Variants in FAF1 observed in about 807,000 individuals in gnomAD.
FAF1 encodes the protein FAS-associated factor 1.
FAF1 carries 25 observed loss-of-function variants against 92.5 expected under a neutral mutation model. That is an observed-to-expected ratio of 0.27 (90% CI 0.20 to 0.38). The LOEUF is 0.38. FAF1 is among the 10% of genes least tolerant of loss of function. The pLI is 1.00. For missense variants in FAF1, 636 were observed against 793.3 expected (o/e 0.80, Z 2.38); for synonymous variants, 234 against 273.2 (o/e 0.86, Z 1.42).
chr1:50,451,959 C>T (rs751243061), intron 18 of FAF1: 27 of 1,150,354 alleles, frequency 2.3e-5, no homozygotes, highest in East Asian at 6.6e-5. Flanking sequence ...AAAGCTGTAA[C>T]CTTCTCCTTG....
chr1:50,946,669 T>C (rs952625093), intron 1 of FAF1, among the ~76,000 whole-genome samples: 1 of 152,198 alleles, frequency 6.6e-6, no homozygotes, highest in Non-Finnish European at 1.5e-5. Context: ...CAGAAGACAT[T>C]GACTCCCAGG....
intron 3 of FAF1, among the ~76,000 whole-genome samples, chr1:50,790,357 G>C (rs946425798): frequency 1.3e-5 from 2 of 151,988 alleles, no homozygotes; most frequent in African/African-American, 4.8e-5. Context: ...GGCCAGGCTG[G>C]GCTCGAACTC....
chr1:50,924,383 GA>G (rs767659543), intron 1 of FAF1, among the ~76,000 whole-genome samples: 3 of 151,076 alleles, frequency 2.0e-5, no homozygotes, highest in Admixed American at 6.6e-5. Context: ...CCTCTGCAAT[GA>G]AAATTACAAA....
chr1:50,786,997 TAAAAGG>T (rs1661387774), intron 4 of FAF1, among the ~76,000 whole-genome samples: 1 of 152,122 alleles, frequency 6.6e-6, no homozygotes, highest in South Asian at 2.1e-4. Context: ...GGATCTCCCC[TAAAAGG>T]AAAACAGGGA....
chr1:50,532,155 C>T (rs911896830), intron 15 of FAF1, among the ~76,000 whole-genome samples: 1 of 152,244 alleles, frequency 6.6e-6, no homozygotes, highest in Non-Finnish European at 1.5e-5. Flanking sequence ...TGAGCTATAA[C>T]TTTCATGAAG....
chr1:50,682,288 C>A (rs1318654228), intron 7 of FAF1, among the ~76,000 whole-genome samples: 1 of 151,550 alleles, frequency 6.6e-6, no homozygotes, highest in African/African-American at 2.4e-5. Flanking sequence ...TCGCTTGAGC[C>A]CAGGAGTTCC....
intron 18 of FAF1, among the ~76,000 whole-genome samples, chr1:50,454,156 G>A (rs949803594): frequency 1.1e-4 from 16 of 152,218 alleles, no homozygotes; most frequent in Admixed American, 3.9e-4. Context: ...CTAAATTTTC[G>A]AACAGGGGGT....
intron 2 of FAF1, among the ~76,000 whole-genome samples, chr1:50,831,012 C>A (rs1644147735): frequency 6.6e-6 from 1 of 152,092 alleles, no homozygotes; most frequent in African/African-American, 2.4e-5. Context: ...CCATTTGAAT[C>A]TAGTTCAAAA....
intron 6 of FAF1, among the ~76,000 whole-genome samples, chr1:50,717,464 T>G (rs1474922344): frequency 6.6e-6 from 1 of 152,146 alleles, no homozygotes; most frequent in Non-Finnish European, 1.5e-5. Context: ...CTTTTGACAT[T>G]CACAAATAAA....
At chr1:50,666,449 C>G (rs1461416852) in intron 7 of FAF1, among the ~76,000 whole-genome samples, 1 of 152,114 alleles carries the variant, frequency 6.6e-6, no homozygotes, top group East Asian at 1.9e-4. Flanking sequence ...TCAAGCAATC[C>G]TCCCACCTCA....
At chr1:50,699,302 C>G (rs1657367233) in intron 7 of FAF1, among the ~76,000 whole-genome samples, 1 of 152,030 alleles carries the variant, frequency 6.6e-6, no homozygotes. Flanking sequence ...TATACATGAA[C>G]AGCTTTAAGG....
In FAF1 at chr1:50,596,060, A is replaced by G. The variant is rs533898206; in HGVS notation, c.840+61T>C. On this transcript the variant is annotated intron_variant, in intron 9 of 18. Transcript: ENST00000396153. ...GCTCTGGCAGATAAAAAAAAAGGGA[A>G]GTGCGCAGGTAGGTGGGGGATGGGC... 127 of 947,102 alleles carry G rather than the reference A, an allele frequency of 1.3e-4. 3 individuals are homozygous for G. In the South Asian group the frequency reaches 1.7e-3, roughly 13 times the overall value. The allele number at this position is 947,102 out of a possible 1,614,324, so 58.7% of individuals were successfully genotyped here. A position where few individuals can be genotyped will look rare whatever the true frequency, so the allele number is the denominator to read the frequency against.
intron 4 of FAF1, among the ~76,000 whole-genome samples, chr1:50,778,544 T>C (rs2124557788): frequency 6.6e-6 from 1 of 152,268 alleles, no homozygotes; most frequent in South Asian, 2.1e-4. Context: ...ATTATGTGCA[T>C]TATATATACA....
At chr1:50,849,963 T>C (rs1381055519) in intron 2 of FAF1, among the ~76,000 whole-genome samples, 1 of 152,100 alleles carries the variant, frequency 6.6e-6, no homozygotes, top group Non-Finnish European at 1.5e-5. Context: ...CAATACACAT[T>C]CTCTTTAAAT....
At chr1:50,770,709 A>G (rs1490600850) in intron 4 of FAF1, among the ~76,000 whole-genome samples, 1 of 152,268 alleles carries the variant, frequency 6.6e-6, no homozygotes, top group Non-Finnish European at 1.5e-5. Context: ...TGCTATTTCT[A>G]CCAAACTACC....
intron 4 of FAF1, among the ~76,000 whole-genome samples, chr1:50,756,568 C>G (rs1660082680): frequency 6.6e-6 from 1 of 152,190 alleles, no homozygotes. Flanking sequence ...TTTCAGGTAT[C>G]TTTTCAGCAG....
At chr1:50,476,551 T>C (rs572972164) in intron 17 of FAF1, among the ~76,000 whole-genome samples, 1 of 152,310 alleles carries the variant, frequency 6.6e-6, no homozygotes, top group South Asian at 2.1e-4. Flanking sequence ...AGAAGGAGAT[T>C]GTCTCTGAGG....
At chr1:50,902,140 T>C (rs1644801724) in intron 1 of FAF1, among the ~76,000 whole-genome samples, 2 of 152,224 alleles carry the variant, frequency 1.3e-5, no homozygotes, top group Admixed American at 1.3e-4. Context: ...AGGTGATCAG[T>C]TGATTACTGT....
chr1:50,621,547 G>A (rs1019102782), intron 8 of FAF1, among the ~76,000 whole-genome samples: 7 of 151,402 alleles, frequency 4.6e-5, no homozygotes, highest in East Asian at 2.0e-4. Flanking sequence ...CTACAGGGGC[G>A]CACCACCACA....
Sources: allele counts gnomAD v4.1 joint callset (sites outside exome capture counted in the v4.1 genomes callset), GRCh38; gene constraint gnomAD v4.1.1; transcripts MANE v1.5; gene names NCBI Gene and HGNC (gene_info 2026-07-23, HGNC 2026-07-21).